The following CNTNAP4 variants were observed in gnomAD, a reference collection of about 807,000 sequenced individuals.
The protein encoded by CNTNAP4 is contactin associated protein family member 4.
Under a neutral mutation model 148.4 loss-of-function variants are expected in CNTNAP4, and 98 were observed. That is an observed-to-expected ratio of 0.66 (90% CI 0.56 to 0.78). The LOEUF is 0.78. CNTNAP4 is among the 30% of genes least tolerant of loss of function. CNTNAP4 has a pLI of 0.00. For missense variants in CNTNAP4, 1,935 were observed against 1,565.6 expected, an observed-to-expected ratio of 1.24 and a Z score of -3.98; for synonymous variants, 730 against 565.1, an observed-to-expected ratio of 1.29 and a Z score of -4.14.
intron 1 of CNTNAP4, among the ~76,000 whole-genome samples, chr16:76,300,306 T>A (rs1302926063): frequency 2.0e-5 from 3 of 151,964 alleles, no homozygotes; most frequent in African/African-American, 7.2e-5. Flanking sequence ...CACAATGTCC[T>A]CAAATACTTG....
intron 10 of CNTNAP4, among the ~76,000 whole-genome samples, chr16:76,472,663 G>A (rs556405581): frequency 6.6e-6 from 1 of 152,086 alleles, no homozygotes; most frequent in Non-Finnish European, 1.5e-5. Context: ...TCATTGATGG[G>A]CATTTTAGGT....
At chr16:76,309,940 C>T in intron 1 of CNTNAP4, 1 of 700,794 alleles carries the variant, frequency 1.4e-6, no homozygotes, top group Non-Finnish European at 2.6e-6. Flanking sequence ...TCTTCCCCGT[C>T]TCGGGTATGT....
At chr16:76,318,305 T>A (rs752737636) in intron 2 of CNTNAP4, among the ~76,000 whole-genome samples, 17 of 152,252 alleles carry the variant, frequency 1.1e-4, no homozygotes, top group Non-Finnish European at 2.2e-4. Context: ...TGATTTCCTT[T>A]GTTGAGGTTC....
At chr16:76,318,747 T>C (rs1433695310) in intron 2 of CNTNAP4, among the ~76,000 whole-genome samples, 1 of 145,888 alleles carries the variant, frequency 6.9e-6, no homozygotes, top group African/African-American at 2.5e-5. Flanking sequence ...TTAATAATAA[T>C]CATAATAATA....
At chr16:76,364,673 T>C (rs746785699) in intron 3 of CNTNAP4, among the ~76,000 whole-genome samples, 9 of 152,222 alleles carry the variant, frequency 5.9e-5, no homozygotes, top group Non-Finnish European at 1.3e-4. Context: ...GTTCTGTTCC[T>C]TTGAAGTGTT....
chr16:76,425,782 C>G (rs781400092), intron 3 of CNTNAP4, among the ~76,000 whole-genome samples: 1 of 152,032 alleles, frequency 6.6e-6, no homozygotes, highest in Non-Finnish European at 1.5e-5. Flanking sequence ...TCAAGGAGGT[C>G]CAGTGTGGAT....
rs1350170549 is a variant in CNTNAP4, at chr16:76,449,857, T to C, written c.1070T>C (p.Met357Thr). The change falls in exon 7 of 24, where the codon ATG (methionine) becomes ACG (threonine). Residue 357 changes from methionine to threonine, a missense_variant and splice_region_variant. Physicochemically the swap from Met to Thr is moderately conservative, Grantham distance 81. Coordinates refer to ENST00000611870, the MANE Select transcript of CNTNAP4 (RefSeq NM_033401.5). ...CAGCAAAAACCACAGATCATTGCTA[T>C]GGTGAGAGTCTTTATGCGAAGACAT... The part of the protein sequence containing the change: ...AKQQKPQIIA[M>T]GNVSFSCSQP... 5.0e-6 allele frequency: 8 copies of C among 1,604,906 alleles called. No homozygotes were observed. The highest frequency in any genetic ancestry group is 2.7e-5 in the African/African-American group (2 of 74,638).
intron 3 of CNTNAP4, 25 bp downstream of exon 3, chr16:76,355,536 G>A (rs745487653): frequency 1.4e-5 from 21 of 1,545,930 alleles, no homozygotes; most frequent in Non-Finnish European, 1.8e-5. Flanking sequence ...AAAAGACATA[G>A]TCTCTCGGGG....
chr16:76,477,742 T>A (rs2081645039), intron 11 of CNTNAP4, among the ~76,000 whole-genome samples: 1 of 152,178 alleles, frequency 6.6e-6, no homozygotes, highest in Non-Finnish European at 1.5e-5. Flanking sequence ...GGACAGTATA[T>A]TTTAATTTTT....
At chr16:76,319,400 GGAGGGGAGGA>G (rs1420775069) in intron 2 of CNTNAP4, among the ~76,000 whole-genome samples, 1 of 152,004 alleles carries the variant, frequency 6.6e-6, no homozygotes, top group African/African-American at 2.4e-5. Context: ...AGAGAGAGAG[GGAGGGGAGGA>G]GAGGGGAGGA....
At chr16:76,413,757 C>T (rs2078883097) in intron 3 of CNTNAP4, among the ~76,000 whole-genome samples, 1 of 150,998 alleles carries the variant, frequency 6.6e-6, no homozygotes. Flanking sequence ...TACTATAAAC[C>T]TTTAAAATTT....
At chr16:76,456,319 T>A (rs2080728920) in intron 8 of CNTNAP4, among the ~76,000 whole-genome samples, 1 of 152,224 alleles carries the variant, frequency 6.6e-6, no homozygotes. Context: ...TGCTGTAGAC[T>A]AAATGCTGTC....
In CNTNAP4 at chr16:76,547,188, G is replaced by A. The variant is rs912655386; in HGVS notation, c.3443-6095G>A. On this transcript the variant is annotated intron_variant, in intron 21 of 23. Transcript: ENST00000611870. ...ATAGAAAAAGAAATCTCTCTAGGAT[G>A]TAATTAATTAAAGGAAATATACAGA... Among the ~76,000 whole-genome samples the A allele has an allele frequency of 4.6e-5, 7 of 152,244 alleles. No individual in the cohort carries two copies. The South Asian group carries it at 8.3e-4, about 18-fold the overall frequency.
At chr16:76,551,301 G>A (rs2084941684) in intron 21 of CNTNAP4, among the ~76,000 whole-genome samples, 1 of 151,970 alleles carries the variant, frequency 6.6e-6, no homozygotes, top group Non-Finnish European at 1.5e-5. Context: ...GGGAGGCTGA[G>A]GCAGGAGAAT....
rs531920758 is a variant in CNTNAP4, at chr16:76,505,767, G to T, written c.2365+7073G>T. Among the ~76,000 whole-genome samples the T allele has an allele frequency of 1.6e-4, 16 of 97,416 alleles. 4 individuals are homozygous for T. Among genetic ancestry groups the T allele is most frequent in the African/African-American group, 2.8e-4 (11 of 38,848 alleles). The allele number at this position is 97,416 out of a possible 152,430, so 63.9% of individuals were successfully genotyped here. A position where few individuals can be genotyped will look rare whatever the true frequency, so the allele number is the denominator to read the frequency against. ...TAAGAATTGGAGGCTGAGTGCAGTG[G>T]CTCAAACCTATAATCCCAGGGCTAT... On this transcript the variant is annotated intron_variant, in intron 15 of 23. Coordinates refer to ENST00000611870, the MANE Select transcript of CNTNAP4 (RefSeq NM_033401.5).
chr16:76,360,708 T>C (rs373977317), intron 3 of CNTNAP4, among the ~76,000 whole-genome samples: 45 of 152,350 alleles, frequency 3.0e-4, no homozygotes, highest in African/African-American at 8.4e-4. Context: ...GTCTACATTA[T>C]TAGTCTAAAT....
At chr16:76,410,760 AT>A (rs1331797917) in intron 3 of CNTNAP4, among the ~76,000 whole-genome samples, 2 of 151,632 alleles carry the variant, frequency 1.3e-5, no homozygotes, top group African/African-American at 2.4e-5. Flanking sequence ...ACCATCATAC[AT>A]TTCTCTGTGT....
In CNTNAP4 at chr16:76,448,921, A is replaced by G. The variant is rs2080352902; in HGVS notation, c.897A>G (p.Gly299=). The part of the protein sequence containing the change: ...DEHRHHFHAR[G]EFNLMNLDYE... The stretch of plus-strand genomic sequence containing the variant: ...ACAGGCATCATTTCCATGCACGGGG[A>G]GAATTCAATCTCATGAATCTTGATT... The change falls in exon 6 of 24, where the codon GGA becomes GGG. Residue 299 remains glycine (G), a synonymous_variant. Coordinates refer to ENST00000611870, the MANE Select transcript of CNTNAP4 (RefSeq NM_033401.5). 1 of 1,613,654 alleles carries G rather than the reference A, an allele frequency of 6.2e-7. No individual in the cohort carries two copies. Among genetic ancestry groups the G allele is most frequent in the African/African-American group, 1.3e-5 (1 of 74,922 alleles).
intron 4 of CNTNAP4, among the ~76,000 whole-genome samples, chr16:76,434,019 A>G (rs1506820): frequency 0.41 from 56,121 of 137,624 alleles, 10,864 homozygotes; most frequent in Middle Eastern, 0.52. Flanking sequence ...TAATATATAT[A>G]TGTGTGTGTG....
Sources: gnomAD v4.1 joint callset for allele counts (sites outside exome capture counted in the v4.1 genomes callset) on GRCh38, gnomAD v4.1.1 for gene constraint, MANE v1.5 for transcripts, NCBI Gene and HGNC (gene_info 2026-07-23, HGNC 2026-07-21) for gene names.